GRID2: variants seen among roughly 807,000 people sequenced by gnomAD.
The protein encoded by GRID2 is glutamate receptor ionotropic, delta-2.
Under a neutral mutation model 114.8 loss-of-function variants are expected in GRID2, and 33 were observed. The ratio of observed to expected loss-of-function variants is 0.29; its 90% CI spans 0.22 to 0.38. The LOEUF is 0.38. GRID2 is among the 10% of genes least tolerant of loss of function. The probability of loss-of-function intolerance (pLI) is 1.00; values close to 1 mark genes in which losing one functional copy is unlikely to be tolerated. For synonymous variants in GRID2, 505 were observed against 449.9 expected (o/e 1.12, Z -1.55); for missense variants, 1,184 against 1,257.7 (o/e 0.94, Z 0.89).
chr4:93,200,620 TATAAA>T (rs1413518789), intron 4 of GRID2, among the ~76,000 whole-genome samples: 1 of 152,192 alleles, frequency 6.6e-6, no homozygotes, highest in Non-Finnish European at 1.5e-5. Context: ...ATTTGTGTCA[TATAAA>T]ATACAGTAAG....
intron 9 of GRID2, among the ~76,000 whole-genome samples, chr4:93,416,947 C>T (rs756295639): frequency 9.9e-5 from 15 of 152,044 alleles, no homozygotes; most frequent in Non-Finnish European, 2.1e-4. Context: ...GTTCCAGTTG[C>T]TGAGGCTTGT....
At chr4:93,168,988 A>G (rs1206925525) in intron 4 of GRID2, among the ~76,000 whole-genome samples, 1 of 152,152 alleles carries the variant, frequency 6.6e-6, no homozygotes, top group Admixed American at 6.6e-5. Context: ...CTATAGAAAC[A>G]GAGCATTATT....
In GRID2 at chr4:93,699,278, A is replaced by G. The variant is rs186276552; in HGVS notation, c.2361-69932A>G. 9.8e-4 allele frequency among the ~76,000 whole-genome samples: 149 copies of G among 152,242 alleles called. 1 individual carries two copies. Among genetic ancestry groups the G allele is most frequent in the African/African-American group, 3.2e-3 (135 of 41,578 alleles). On this transcript the variant is annotated intron_variant, in intron 14 of 15. Transcript: ENST00000282020. ...TGGTGAAGTAAAGACAATTGAACAG[A>G]TACAATTAGACCATGTCAAAATTGT...
intron 1 of GRID2, among the ~76,000 whole-genome samples, chr4:92,479,541 A>T (rs1011011057): frequency 6.6e-6 from 1 of 152,152 alleles, no homozygotes; most frequent in African/African-American, 2.4e-5. Flanking sequence ...ATTAGATTTG[A>T]TGATGTTCTT....
At position 92,636,056 on chromosome 4, in the gene GRID2, A is replaced by G. The variant is rs192402840; in HGVS notation, c.244+45770A>G. On this transcript the variant is annotated intron_variant, in intron 2 of 15. Transcript: ENST00000282020. ...GCCTGTCTTGCATAGGTCTTTTATCAGGTATTATACAAACAACTGATTGTA... is the reference window on the plus strand; with the variant it reads ...GCCTGTCTTGCATAGGTCTTTTATCGGGTATTATACAAACAACTGATTGTA... Among the ~76,000 whole-genome samples the G allele has an allele frequency of 3.1e-3, 477 of 152,204 alleles. 2 individuals carry two copies. The highest frequency in any genetic ancestry group is 0.011 in the African/African-American group (459 of 41,560).
At chr4:93,726,514 C>A (rs547023867) in intron 14 of GRID2, among the ~76,000 whole-genome samples, 10 of 152,242 alleles carry the variant, frequency 6.6e-5, no homozygotes, top group Non-Finnish European at 8.8e-5. Context: ...TTTTCCAATT[C>A]TGTGTAGAAA....
intron 8 of GRID2, among the ~76,000 whole-genome samples, chr4:93,355,565 A>G (rs1450088281): frequency 2.0e-5 from 3 of 152,100 alleles, no homozygotes; most frequent in Non-Finnish European, 4.4e-5. Flanking sequence ...TTGGCACAGC[A>G]TCATTTCTGC....
intron 4 of GRID2, among the ~76,000 whole-genome samples, chr4:93,127,485 C>T (rs1255260362): frequency 6.6e-6 from 1 of 152,174 alleles, no homozygotes; most frequent in East Asian, 1.9e-4. Context: ...AAAGTAGTTG[C>T]TAAAGGCAGT....
intron 2 of GRID2, among the ~76,000 whole-genome samples, chr4:92,775,560 T>G (rs1738752606): frequency 6.6e-6 from 1 of 152,166 alleles, no homozygotes; most frequent in African/African-American, 2.4e-5. Context: ...TTCCTGTTAA[T>G]TTTTCAAAGG....
intron 2 of GRID2, among the ~76,000 whole-genome samples, chr4:92,750,334 CT>C (rs1484631097): frequency 1.3e-5 from 2 of 152,204 alleles, no homozygotes; most frequent in Admixed American, 1.3e-4. Flanking sequence ...TCTTTACCAG[CT>C]TTTTACCCTC....
chr4:93,017,457 A>G (rs1722858275), intron 2 of GRID2, among the ~76,000 whole-genome samples: 1 of 152,152 alleles, frequency 6.6e-6, no homozygotes, highest in African/African-American at 2.4e-5. Flanking sequence ...TTTGTAGAAA[A>G]GAGTATTAGT....
intron 14 of GRID2, among the ~76,000 whole-genome samples, chr4:93,636,975 T>C (rs896662520): frequency 6.6e-6 from 1 of 152,126 alleles, no homozygotes; most frequent in Non-Finnish European, 1.5e-5. Flanking sequence ...ATCCCTAAAA[T>C]TTACCAGTAA....
At chr4:92,719,568 C>CAAATGCTACTAAAAGGTAGAG (rs1211803964) in intron 2 of GRID2, among the ~76,000 whole-genome samples, 3 of 151,970 alleles carry the variant, frequency 2.0e-5, no homozygotes, top group Non-Finnish European at 4.4e-5. Flanking sequence ...AGAAAGTTGA[C>CAAATGCTACTAAAAGGTAGAG]AAATGCTACT....
At chr4:92,428,230 C>A (rs919819645) in intron 1 of GRID2, among the ~76,000 whole-genome samples, 9 of 152,072 alleles carry the variant, frequency 5.9e-5, no homozygotes, top group East Asian at 3.9e-4. Context: ...CCACTGCACT[C>A]CAGCCTGGGC....
intron 9 of GRID2, among the ~76,000 whole-genome samples, chr4:93,396,399 T>A (rs1579944141): frequency 6.6e-6 from 1 of 151,972 alleles, no homozygotes; most frequent in South Asian, 2.1e-4. Flanking sequence ...GATAGTTTTG[T>A]TTTCTTCCAA....
intron 2 of GRID2, among the ~76,000 whole-genome samples, chr4:93,000,303 A>C (rs1755460251): frequency 6.6e-6 from 1 of 151,662 alleles, no homozygotes; most frequent in African/African-American, 2.4e-5. Context: ...TTAACATAAT[A>C]ATTATATTTA....
chr4:93,137,387 T>C (rs1489842734), intron 4 of GRID2, among the ~76,000 whole-genome samples: 1 of 152,200 alleles, frequency 6.6e-6, no homozygotes. Context: ...CATTTTATAT[T>C]AAGCAATCTT....
At chr4:93,015,788 C>G (rs1403299542) in intron 2 of GRID2, among the ~76,000 whole-genome samples, 1 of 152,056 alleles carries the variant, frequency 6.6e-6, no homozygotes, top group East Asian at 1.9e-4. Flanking sequence ...CCTGGATAAT[C>G]TTGGCAAATC....
At chr4:92,906,861 C>T (rs1747998168) in intron 2 of GRID2, among the ~76,000 whole-genome samples, 1 of 152,102 alleles carries the variant, frequency 6.6e-6, no homozygotes, top group African/African-American at 2.4e-5. Flanking sequence ...CTCAATTTTA[C>T]AGTTTACTAC....
Sources: gnomAD v4.1 joint callset for allele counts (sites outside exome capture counted in the v4.1 genomes callset) on GRCh38, gnomAD v4.1.1 for gene constraint, MANE v1.5 for transcripts, NCBI Gene and HGNC (gene_info 2026-07-23, HGNC 2026-07-21) for gene names.